MYO7A: variants seen among roughly 807,000 people sequenced by gnomAD.
The protein encoded by MYO7A is myosin VIIA, also known as unconventional myosin-VIIa.
In MYO7A, 210 loss-of-function variants were observed where a neutral mutation model predicts 263.8. The ratio of observed to expected loss-of-function variants is 0.80; its 90% CI spans 0.71 to 0.89. The LOEUF is 0.89. Ranked by LOEUF, MYO7A falls within the 40% of genes least tolerant of loss-of-function variation. The pLI is 0.00. For synonymous variants in MYO7A, 1,239 were observed against 1,197.3 expected, an observed-to-expected ratio of 1.03 and a Z score of -0.72; for missense variants, 2,820 against 2,968.3, an observed-to-expected ratio of 0.95 and a Z score of 1.16.
At chr11:77,193,267 GGTGATGGTGGAGGTA>G (rs1222564846) in intron 31 of MYO7A, among the ~76,000 whole-genome samples, 1 of 150,694 alleles carries the variant, frequency 6.6e-6, no homozygotes, top group African/African-American at 2.4e-5. Context: ...TGGTGGTGGT[GGTGATGGTGGAGGTA>G]GTGATGGTGT....
chr11:77,142,646 G>T, intron 2 of MYO7A, 63 bp from the exon 3 acceptor site: 1 of 1,397,196 alleles, frequency 7.2e-7, no homozygotes, highest in Non-Finnish European at 9.9e-7. Flanking sequence ...ATATAGGGCT[G>T]CCTGGAAGGG....
chr11:77,191,770 C>G (rs1320139796), intron 30 of MYO7A, among the ~76,000 whole-genome samples: 2 of 152,236 alleles, frequency 1.3e-5, no homozygotes, highest in Admixed American at 6.5e-5. Flanking sequence ...CACCGATGCT[C>G]TTATGTTTCC....
chr11:77,201,666 TG>T, intron 36 of MYO7A, 28 bp downstream of exon 36: 1 of 1,605,134 alleles, frequency 6.2e-7, no homozygotes, highest in South Asian at 1.1e-5. Context: ...GGCAGATGGG[TG>T]GGAGGTGCCA....
In MYO7A at chr11:77,211,257, T is replaced by C; in HGVS notation, c.6157T>C (p.Phe2053Leu). 2 of 1,581,240 alleles carry C rather than the reference T, an allele frequency of 1.3e-6. No homozygotes were observed. Among genetic ancestry groups the C allele is most frequent in the Non-Finnish European group, 1.7e-6 (2 of 1,163,656 alleles). ...CAAGTTCGAGGAGGACAAGTCCTACTTCCCCAGCATCCCCAAGCTGCTGCG... is the reference window on the plus strand; with the variant it reads ...CAAGTTCGAGGAGGACAAGTCCTACCTCCCCAGCATCCCCAAGCTGCTGCG... ...RVKFEEDKSYFPSIPKLLREL... is the reference protein window; with the variant it reads ...RVKFEEDKSYLPSIPKLLREL... Residue 2053 changes from phenylalanine (F) to leucine (L), a missense_variant, in exon 45 of 49, where the codon TTC becomes CTC. By Grantham distance (22) the Phe-to-Leu change is conservative. Coordinates refer to ENST00000409709, the MANE Select transcript of MYO7A (RefSeq NM_000260.4).
chr11:77,136,180 GT>G (rs1405907800), intron 2 of MYO7A, among the ~76,000 whole-genome samples: 3 of 152,106 alleles, frequency 2.0e-5, no homozygotes, highest in African/African-American at 7.2e-5. Flanking sequence ...TTTCTTGACA[GT>G]TTTTTTATTC....
chr11:77,151,054 G>T lies in MYO7A; in HGVS notation c.285+3104G>T, dbSNP rs370215936. Among the ~76,000 whole-genome samples, 26 of 152,286 alleles carry T rather than the reference G, an allele frequency of 1.7e-4. 2 individuals carry two copies. The highest frequency in any genetic ancestry group is 6.3e-4 in the African/African-American group (26 of 41,538). ...CGGATGCTCTGCTCTTGACTGTCTT[G>T]GGCTCGCCTGCCTCCAGCTTCCCTG... is the stretch of plus-strand genomic sequence containing the variant. On this transcript the variant is annotated intron_variant, in intron 4 of 48. Transcript: ENST00000409709.
rs1339049598 is a variant in MYO7A at position 77,214,651 on chromosome 11, G to A, written c.6603G>A (p.Met2201Ile). 1.3e-6 allele frequency: 2 copies of A among 1,589,412 alleles called. No homozygotes were observed. The highest frequency in any genetic ancestry group is 1.8e-5 in the Admixed American group (1 of 56,168). Residue 2201 changes from methionine to isoleucine, a missense_variant, in exon 49 of 49, where the codon ATG becomes ATA. Met to Ile is a conservative substitution (Grantham distance 10). Coordinates refer to ENST00000409709, the MANE Select transcript of MYO7A (RefSeq NM_000260.4). The stretch of plus-strand genomic sequence containing the variant: ...TCCTGACTTCCTACATTAGCCAGAT[G>A]CTCACAGCCATGAGCAAACAGCGGG... ...DDLLTSYISQ[M>I]LTAMSKQRGS...
chr11:77,199,352 T>G (rs372526571), intron 34 of MYO7A, among the ~76,000 whole-genome samples, 183 bp from the exon 35 acceptor site: 2 of 152,114 alleles, frequency 1.3e-5, no homozygotes, highest in East Asian at 3.9e-4. Flanking sequence ...AGGTTGAGAT[T>G]TAAAGGGTGA....
chr11:77,140,477 A>G (rs1271783949), intron 2 of MYO7A, among the ~76,000 whole-genome samples: 1 of 152,238 alleles, frequency 6.6e-6, no homozygotes, highest in African/African-American at 2.4e-5. Flanking sequence ...TGAGGAGAGA[A>G]ATTGGAGACA....
intron 27 of MYO7A, 131 bp from the exon 28 acceptor site, chr11:77,189,213 C>A: frequency 7.5e-7 from 1 of 1,332,278 alleles, no homozygotes; most frequent in Admixed American, 2.1e-5. Flanking sequence ...CCTCACTCTG[C>A]CTCCTCCCGG....
intron 27 of MYO7A, among the ~76,000 whole-genome samples, chr11:77,187,967 C>T (rs1340047458): frequency 6.6e-6 from 1 of 152,196 alleles, no homozygotes; most frequent in African/African-American, 2.4e-5. Context: ...CTGCCCAGGG[C>T]CACCTGCCAA....
At chr11:77,186,016 G>A (rs1411936622) in intron 27 of MYO7A, among the ~76,000 whole-genome samples, 4 of 150,246 alleles carry the variant, frequency 2.7e-5, no homozygotes, top group East Asian at 2.0e-4. Context: ...TCTGCCTCCC[G>A]GGTTCAAGCA....
At chr11:77,192,966 TGGTGGAGGTAGTTGTGA>T (rs1565442619) in intron 31 of MYO7A, among the ~76,000 whole-genome samples, 1 of 19,146 alleles carries the variant, frequency 5.2e-5, no homozygotes, top group African/African-American at 4.4e-4. Context: ...GTGTTGGTGA[TGGTGGAGGTAGTTGTGA>T]TGGTGGAGGT....
At chr11:77,132,501 T>G (rs1303466404) in intron 2 of MYO7A, among the ~76,000 whole-genome samples, 1 of 151,166 alleles carries the variant, frequency 6.6e-6, no homozygotes, top group Non-Finnish European at 1.5e-5. Context: ...GTGTGTGTGT[T>G]TGTTTTGAGA....
At position 77,192,063 on chromosome 11, in the gene MYO7A, G is replaced by A. The variant is rs1339849541; in HGVS notation, c.3937G>A (p.Gly1313Ser). 2 of 1,613,132 alleles carry A rather than the reference G, an allele frequency of 1.2e-6. No homozygotes were observed. Among genetic ancestry groups the A allele is most frequent in the Non-Finnish European group, 1.7e-6 (2 of 1,179,824 alleles). The part of the protein sequence containing the change: ...IALFDKVSSL[G>S]SGSDHVMDAI... Reference sequence around the variant, plus strand: ...TCTGTGCCCACAGGTGTCCTCCCTGGGCAGCGGCAGTGACCACGTCATGGA... The same window carrying A: ...TCTGTGCCCACAGGTGTCCTCCCTGAGCAGCGGCAGTGACCACGTCATGGA... Residue 1313 changes from glycine (G) to serine (S), a missense_variant, in exon 31 of 49, where the codon GGC becomes AGC. By Grantham distance (56) the Gly-to-Ser change is moderately conservative. Transcript: ENST00000409709.
chr11:77,183,048 G>C lies in MYO7A; in HGVS notation c.3286-20G>C. ...GCTTTCTGCTCAGCCACTTGACCCTGATCCCTGCTGGTCCTGCAGGCCCAG... is the reference window on the plus strand; with the variant it reads ...GCTTTCTGCTCAGCCACTTGACCCTCATCCCTGCTGGTCCTGCAGGCCCAG... On this transcript the variant is annotated intron_variant, in intron 25 of 48. Coordinates refer to ENST00000409709, the MANE Select transcript of MYO7A (RefSeq NM_000260.4). 2 of 1,548,996 alleles carry C rather than the reference G, an allele frequency of 1.3e-6. No homozygotes were observed. The highest frequency in any genetic ancestry group is 1.7e-6 in the Non-Finnish European group (2 of 1,145,282).
At chr11:77,182,292 C>G (rs1291161157) in intron 24 of MYO7A, 132 bp from the exon 25 acceptor site, 1 of 1,431,092 alleles carries the variant, frequency 7.0e-7, no homozygotes, top group Non-Finnish European at 9.4e-7. Flanking sequence ...ATAGTCTTCA[C>G]TGCGGTGCCC....
intron 41 of MYO7A, 43 bp downstream of exon 41, chr11:77,206,245 G>T: frequency 6.7e-7 from 1 of 1,491,564 alleles, no homozygotes; most frequent in Non-Finnish European, 9.2e-7. Flanking sequence ...CCAGGACAGG[G>T]CCGGGCTTCC....
chr11:77,160,918 C>G lies in MYO7A; in HGVS notation c.1201-55C>G, dbSNP rs1198564983. 15 of 1,564,072 alleles carry G rather than the reference C, an allele frequency of 9.6e-6. No homozygotes were observed. The South Asian group carries it at 1.8e-4, about 18-fold the overall frequency. On this transcript the variant is annotated intron_variant, in intron 11 of 48. Coordinates refer to ENST00000409709, the MANE Select transcript of MYO7A (RefSeq NM_000260.4). ...CACCACGAAGGGTCCAGGAGCCTGG[C>G]CTGTCCCCCGGGGGAGGGTGTGGCT...
Sources: gnomAD v4.1 joint callset for allele counts (sites outside exome capture counted in the v4.1 genomes callset) on GRCh38, gnomAD v4.1.1 for gene constraint, MANE v1.5 for transcripts, NCBI Gene and HGNC (gene_info 2026-07-23, HGNC 2026-07-21) for gene names.